GABRR1: variants seen among roughly 807,000 people sequenced by gnomAD.
GABRR1 encodes the protein gamma-aminobutyric acid type A receptor subunit rho1.
Under a neutral mutation model 55.5 loss-of-function variants are expected in GABRR1, and 59 were observed. The observed-to-expected ratio is 1.06, with a 90% CI of 0.86 to 1.32. The LOEUF (loss-of-function observed/expected upper bound fraction) is 1.32, where lower values mean the gene tolerates loss of function less well. Among genes scored for constraint, GABRR1 ranks in the 40% most tolerant of loss-of-function variants. The pLI is 0.00. For missense variants in GABRR1, 602 were observed against 619.1 expected (o/e 0.97, Z 0.29); for synonymous variants, 213 against 226.0 (o/e 0.94, Z 0.51).
chr6:89,188,879 G>A (rs887735030), intron 6 of GABRR1, among the ~76,000 whole-genome samples: 1 of 152,036 alleles, frequency 6.6e-6, no homozygotes, highest in Non-Finnish European at 1.5e-5. Context: ...GAAATCCCTT[G>A]TTGTGCCTGA....
chr6:89,188,234 G>A (rs1771973798), intron 6 of GABRR1, among the ~76,000 whole-genome samples: 1 of 152,084 alleles, frequency 6.6e-6, no homozygotes, highest in Non-Finnish European at 1.5e-5. Flanking sequence ...ATGTTGCCCA[G>A]ACTGGTCTTC....
intron 3 of GABRR1, among the ~76,000 whole-genome samples, chr6:89,200,042 C>T (rs1772414799): frequency 6.6e-6 from 1 of 151,986 alleles, no homozygotes; most frequent in Non-Finnish European, 1.5e-5. Context: ...AATTCCTGCC[C>T]CCCTTCTTCC....
At chr6:89,206,960 T>C (rs993960127) in intron 1 of GABRR1, among the ~76,000 whole-genome samples, 1 of 152,048 alleles carries the variant, frequency 6.6e-6, no homozygotes, top group African/African-American at 2.4e-5. Flanking sequence ...GTGTGCAGAA[T>C]TGACTTTACA....
chr6:89,225,518 G>T, intron 1 of GABRR1, among the ~76,000 whole-genome samples: 2 of 133,902 alleles, frequency 1.5e-5, no homozygotes, highest in Non-Finnish European at 1.6e-5. Context: ...TGCGGTGTTT[G>T]GTTTTTTGTT....
intron 8 of GABRR1, 129 bp downstream of exon 8, chr6:89,181,776 T>G: frequency 1.1e-6 from 1 of 919,762 alleles, no homozygotes; most frequent in South Asian, 2.3e-5. Context: ...TAAATAACTC[T>G]TGAGTTTTTC....
At chr6:89,193,872 C>T (rs1265605325) in intron 5 of GABRR1, among the ~76,000 whole-genome samples, 4 of 152,076 alleles carry the variant, frequency 2.6e-5, no homozygotes, top group Non-Finnish European at 5.9e-5. Context: ...ACTGAGATGC[C>T]AGTAGGAGAA....
At chr6:89,192,040 GAAAA>G (rs113580257) in intron 5 of GABRR1, among the ~76,000 whole-genome samples, 1 of 138,362 alleles carries the variant, frequency 7.2e-6, no homozygotes, top group African/African-American at 2.7e-5. Context: ...AGACTCCATC[GAAAA>G]AAAAAAAAAG....
At chr6:89,182,668 A>G (rs986691332) in intron 7 of GABRR1, among the ~76,000 whole-genome samples, 1 of 152,102 alleles carries the variant, frequency 6.6e-6, no homozygotes, top group Non-Finnish European at 1.5e-5. Flanking sequence ...CTTGTTATAA[A>G]TGAAGATACC....
chr6:89,188,466 T>C (rs1771981983), intron 6 of GABRR1, among the ~76,000 whole-genome samples: 1 of 152,228 alleles, frequency 6.6e-6, no homozygotes, highest in African/African-American at 2.4e-5. Context: ...TCCCAGTAAG[T>C]GTAACTCACT....
intron 5 of GABRR1, among the ~76,000 whole-genome samples, chr6:89,194,918 A>G (rs980930252): frequency 6.6e-6 from 1 of 152,190 alleles, no homozygotes; most frequent in African/African-American, 2.4e-5. Flanking sequence ...AAATCTAAGA[A>G]TTATTGGTGT....
intron 5 of GABRR1, among the ~76,000 whole-genome samples, chr6:89,196,827 G>GAAAGAAAT (rs1554190828): frequency 4.0e-5 from 3 of 74,818 alleles, no homozygotes; most frequent in African/African-American, 1.8e-4. Context: ...AAGAAGGAAA[G>GAAAGAAAT]AAAGAAAGAA....
intron 5 of GABRR1, among the ~76,000 whole-genome samples, chr6:89,196,822 G>GGAAGGAAA (rs1262381146): frequency 1.3e-4 from 12 of 91,110 alleles, no homozygotes; most frequent in East Asian, 3.6e-4. Flanking sequence ...AAGAAAAGAA[G>GGAAGGAAA]GAAAGAAAGA....
rs769835448 is a variant in GABRR1, at chr6:89,190,152, C to A, written c.655+13G>T. On this transcript the variant is annotated intron_variant, in intron 6 of 9. Transcript: ENST00000454853. ...GGAGCTGTGTGCTGATGCCCGGGGA[C>A]AAGTCTACTCACAGCTTTCAATTTC... 6.3e-7 allele frequency: 1 copy of A among 1,593,514 alleles called. No homozygotes were observed. Among genetic ancestry groups the A allele is most frequent in the Admixed American group, 1.7e-5 (1 of 58,130 alleles).
At chr6:89,203,206 G>A (rs1772532484) in intron 2 of GABRR1, among the ~76,000 whole-genome samples, 1 of 152,158 alleles carries the variant, frequency 6.6e-6, no homozygotes, top group African/African-American at 2.4e-5. Flanking sequence ...TCAAGAGGAG[G>A]AACACCAGCT....
rs773315215 is a variant in GABRR1 at position 89,178,545 on chromosome 6, T to C, written c.*225A>G. On this transcript the variant is annotated 3_prime_UTR_variant, in exon 10 of 10. Transcript: ENST00000454853. ...TCAGTCGCTACAGTGTCGTATTTCC[T>C]GCAGCACCTAATATAATGCTGTGTA... The C allele has an allele frequency of 3.6e-5, 20 of 554,232 alleles. No homozygotes were observed. Among genetic ancestry groups the C allele is most frequent in the East Asian group, 9.3e-5 (3 of 32,284 alleles). 34.3% of individuals were successfully genotyped at this position (554,232 alleles called of 1,614,324 possible). A position where few individuals can be genotyped will look rare whatever the true frequency, so the allele number is the denominator to read the frequency against.
intron 3 of GABRR1, among the ~76,000 whole-genome samples, chr6:89,200,474 C>G (rs1772432994): frequency 6.6e-6 from 1 of 152,004 alleles, no homozygotes; most frequent in South Asian, 2.1e-4. Flanking sequence ...GTCTCGAACT[C>G]CTGAGCTCAG....
At chr6:89,184,794 C>T (rs844278) in intron 7 of GABRR1, among the ~76,000 whole-genome samples, 44,963 of 151,538 alleles carry the variant, frequency 0.3, 6,860 homozygotes, top group Middle Eastern at 0.34. Context: ...AGTACTCTGA[C>T]GCATTGGTAA....
At chr6:89,185,092 C>T (rs1419438476) in intron 7 of GABRR1, among the ~76,000 whole-genome samples, 2 of 152,060 alleles carry the variant, frequency 1.3e-5, no homozygotes, top group Non-Finnish European at 1.5e-5. Context: ...ACCATGTTGG[C>T]CAGGCTTGTC....
chr6:89,182,651 C>T (rs1188552576), intron 7 of GABRR1, among the ~76,000 whole-genome samples: 1 of 152,156 alleles, frequency 6.6e-6, no homozygotes, highest in Non-Finnish European at 1.5e-5. Context: ...TCACCGTCAC[C>T]TGGGAGCTTG....
Sources: allele counts gnomAD v4.1 joint callset (sites outside exome capture counted in the v4.1 genomes callset), GRCh38; gene constraint gnomAD v4.1.1; transcripts MANE v1.5; gene names NCBI Gene and HGNC (gene_info 2026-07-23, HGNC 2026-07-21).